Variants in SRRM1 observed in about 807,000 individuals in gnomAD.
SRRM1 encodes serine and arginine repetitive matrix 1, also known as serine/arginine repetitive matrix protein 1.
SRRM1 carries 19 observed loss-of-function variants against 110.2 expected under a neutral mutation model. The ratio of observed to expected loss-of-function variants is 0.17; its 90% CI spans 0.12 to 0.25. The LOEUF (loss-of-function observed/expected upper bound fraction) is 0.25. Among genes scored for constraint, SRRM1 ranks in the 10% least tolerant of loss-of-function variants. SRRM1 has a pLI of 1.00. For missense variants in SRRM1, 918 were observed against 1,145.8 expected (o/e 0.80, Z 2.87); for synonymous variants, 443 against 414.9 (o/e 1.07, Z -0.82).
intron 5 of SRRM1, 101 bp downstream of exon 5, chr1:24,650,187 T>G: frequency 1.7e-6 from 2 of 1,173,418 alleles, no homozygotes; most frequent in Non-Finnish European, 2.3e-6. Flanking sequence ...TCAAGGAATT[T>G]GTTCCATCAT....
intron 6 of SRRM1, among the ~76,000 whole-genome samples, chr1:24,651,843 A>C (rs1360302246): frequency 6.6e-6 from 1 of 151,398 alleles, no homozygotes; most frequent in Non-Finnish European, 1.5e-5. Flanking sequence ...TATATATTGT[A>C]ACTTGCTTTT....
chr1:24,662,559 T>C, intron 11 of SRRM1, 101 bp from the exon 12 acceptor site: 1 of 1,151,718 alleles, frequency 8.7e-7, no homozygotes, highest in South Asian at 1.5e-5. Context: ...GTATACATGC[T>C]TGCTTACCCT....
chr1:24,660,478 T>A (rs1331475919), intron 9 of SRRM1, among the ~76,000 whole-genome samples: 2 of 152,190 alleles, frequency 1.3e-5, no homozygotes, highest in Non-Finnish European at 2.9e-5. Flanking sequence ...TCACACCCAT[T>A]TTTGTAATAG....
In SRRM1 at chr1:24,651,533, A is replaced by G; in HGVS notation, c.646A>G (p.Lys216Glu). 3 of 1,614,042 alleles carry G rather than the reference A, an allele frequency of 1.9e-6. No individual in the cohort carries two copies. The highest frequency in any genetic ancestry group is 2.5e-6 in the Non-Finnish European group (3 of 1,179,906). ...CCGGAGTCCTTCCCCTGCTCCAGAA[A>G]AGAAGGAAAAAACTCCAGAGCTCCC... ...KSRSPSPAPE[K>E]KEKTPELPEP... The change falls in exon 6 of 17, where the codon AAG (lysine) becomes GAG (glutamate). Residue 216 changes from lysine to glutamate, a missense_variant. By Grantham distance (56) the Lys-to-Glu change is moderately conservative. Transcript: ENST00000323848.
chr1:24,654,763 A>G lies in SRRM1; in HGVS notation c.1041-92A>G. The G allele has an allele frequency of 3.4e-6, 5 of 1,474,116 alleles. No individual in the cohort carries two copies. The South Asian group carries it at 5.0e-5, about 15-fold the overall frequency. The allele number at this position is 1,474,116 out of a possible 1,614,324, so 91.3% of individuals were successfully genotyped here. On this transcript the variant is annotated intron_variant, in intron 8 of 16. Transcript: ENST00000323848. Reference sequence around the variant, plus strand: ...GCTACATAAACTCAAAAGTCGGATTAAAATAGCTGTATTTTTGTGTAAACT... The same window carrying G: ...GCTACATAAACTCAAAAGTCGGATTGAAATAGCTGTATTTTTGTGTAAACT...
At chr1:24,653,344 C>T (rs1570793136) in intron 8 of SRRM1, among the ~76,000 whole-genome samples, 1 of 152,208 alleles carries the variant, frequency 6.6e-6, no homozygotes, top group East Asian at 1.9e-4. Flanking sequence ...TGGCTTTTAA[C>T]TGGCTTCTGA....
At chr1:24,644,494 A>G (rs1656114744) in intron 1 of SRRM1, among the ~76,000 whole-genome samples, 1 of 152,268 alleles carries the variant, frequency 6.6e-6, no homozygotes, top group South Asian at 2.1e-4. Context: ...GAGGAGGGCC[A>G]GAACTTTAGT....
chr1:24,646,220 C>T (rs1299127766), intron 2 of SRRM1, 147 bp downstream of exon 2: 1 of 629,718 alleles, frequency 1.6e-6, no homozygotes, highest in Non-Finnish European at 2.8e-6. Flanking sequence ...ACACGTGGCA[C>T]AGCCATATAA....
At position 24,669,493 on chromosome 1, in the gene SRRM1, G is replaced by A. The variant is rs997829927; in HGVS notation, c.2110G>A (p.Ala704Thr). 1.1e-5 allele frequency: 17 copies of A among 1,612,348 alleles called. No individual in the cohort carries two copies. Among genetic ancestry groups the A allele is most frequent in the Non-Finnish European group, 1.4e-5 (17 of 1,179,238 alleles). ...SSSPPPVRRGASSSPQRRQSP... is the reference protein window; with the variant it reads ...SSSPPPVRRGTSSSPQRRQSP... ...AAGTCCTCCACCCGTTCGAAGAGGA[G>A]CGTCGTCATCACCCCAAAGAAGGCA... Residue 704 changes from alanine to threonine, a missense_variant, in exon 14 of 17, where the codon GCG becomes ACG. This residue lies in a region of SRRM1 where 357 missense variants were observed against 402.9 expected (regional missense o/e 0.89). Coordinates refer to ENST00000323848, the MANE Select transcript of SRRM1 (RefSeq NM_005839.4).
chr1:24,659,948 C>T (rs755742334), intron 9 of SRRM1, among the ~76,000 whole-genome samples: 9 of 152,000 alleles, frequency 5.9e-5, no homozygotes, highest in Non-Finnish European at 4.4e-5. Context: ...CTATTTGTGG[C>T]GGTCTGCTTT....
intron 12 of SRRM1, among the ~76,000 whole-genome samples, chr1:24,664,433 GC>G (rs1356881271): frequency 6.6e-6 from 1 of 152,208 alleles, no homozygotes; most frequent in African/African-American, 2.4e-5. Context: ...GTTTCTTAGG[GC>G]CGCAAAGTGA....
At chr1:24,646,936 T>G (rs1415994655) in intron 3 of SRRM1, 147 bp downstream of exon 3, 2 of 622,072 alleles carry the variant, frequency 3.2e-6, no homozygotes, top group East Asian at 6.4e-5. Flanking sequence ...AAACAACTAT[T>G]AAGGCTGGAA....
Position 24,643,364 on chromosome 1 carries a change from G to C in SRRM1, c.21+17G>C, listed in dbSNP as rs371561399. On this transcript the variant is annotated intron_variant, in intron 1 of 16. Transcript: ENST00000323848. ...TTTTTCCGCGTAAGTAGAAGCGCCG[G>C]GCGCCGGGGTGAGGCCAGGGACTTC... The C allele has an allele frequency of 1.3e-6, 2 of 1,548,148 alleles. No individual in the cohort carries two copies. Among genetic ancestry groups the C allele is most frequent in the Non-Finnish European group, 1.7e-6 (2 of 1,152,976 alleles).
Position 24,652,559 on chromosome 1 carries a change from C to T in SRRM1, c.851C>T (p.Ser284Leu). The change falls in exon 7 of 17, where the codon TCA (serine) becomes TTA (leucine). Residue 284 changes from serine to leucine, a missense_variant. By Grantham distance (145) the Ser-to-Leu change is moderately radical (BLOSUM62 -2). Around this residue, in one of 5 missense-constraint regions of SRRM1, gnomAD observed 456 missense variants for 453.5 expected, o/e 1.01. Transcript: ENST00000323848. ...CCACGATCTCGGTCACGCTCCAAAT[C>T]AAGATCCCGGACGCGGTCCCGCTCT... is the stretch of plus-strand genomic sequence containing the variant. The part of the protein sequence containing the change: ...TRPRSRSRSK[S>L]RSRTRSRSPS... 6.2e-7 allele frequency: 1 copy of T among 1,613,908 alleles called. No individual in the cohort carries two copies. Among genetic ancestry groups the T allele is most frequent in the Non-Finnish European group, 8.5e-7 (1 of 1,179,944 alleles).
chr1:24,658,370 C>G (rs1665398216), intron 9 of SRRM1, among the ~76,000 whole-genome samples: 1 of 152,006 alleles, frequency 6.6e-6, no homozygotes, highest in South Asian at 2.1e-4. Flanking sequence ...GCCACCACAC[C>G]CAGCTAATAC....
intron 12 of SRRM1, among the ~76,000 whole-genome samples, chr1:24,663,636 G>A (rs576133967): frequency 6.6e-6 from 1 of 152,078 alleles, no homozygotes; most frequent in South Asian, 2.1e-4. Context: ...AGAAACTTTA[G>A]AAATATTAAA....
intron 12 of SRRM1, among the ~76,000 whole-genome samples, chr1:24,664,449 G>T (rs1474027981): frequency 6.6e-6 from 1 of 152,238 alleles, no homozygotes; most frequent in East Asian, 1.9e-4. Flanking sequence ...AAGTGACAAA[G>T]TTGGATCTTA....
At chr1:24,655,181 C>T (rs527540894) in intron 9 of SRRM1, 52 bp downstream of exon 9, 516 of 1,582,928 alleles carry the variant, frequency 3.3e-4, no homozygotes, top group Middle Eastern at 6.7e-4. Context: ...GGCTACAAAG[C>T]GTAGTCAGTT....
intron 2 of SRRM1, among the ~76,000 whole-genome samples, 156 bp from the exon 3 acceptor site, chr1:24,646,511 A>T (rs1415612283): frequency 6.6e-6 from 1 of 150,946 alleles, no homozygotes; most frequent in Non-Finnish European, 1.5e-5. Context: ...CAAGAGTGCA[A>T]GACTCTGTCT....
Sources: gnomAD v4.1 joint callset for allele counts (sites outside exome capture counted in the v4.1 genomes callset) on GRCh38, gnomAD v4.1.1 for gene constraint, gnomAD v4.1.1 regional missense constraint, MANE v1.5 for transcripts, NCBI Gene and HGNC (gene_info 2026-07-23, HGNC 2026-07-21) for gene names.